Variants in SNX29 observed in about 807,000 individuals in gnomAD.
The protein encoded by SNX29 is sorting nexin-29.
A neutral mutation model predicts 102.1 loss-of-function variants in SNX29; 78 were observed. The ratio of observed to expected loss-of-function variants is 0.76; its 90% CI spans 0.64 to 0.92. The LOEUF (loss-of-function observed/expected upper bound fraction) is 0.92, where lower values mean the gene tolerates loss of function less well. SNX29 is among the 40% of genes least tolerant of loss of function. The pLI is 0.00. For synonymous variants in SNX29, 580 were observed against 414.5 expected (o/e 1.40, Z -4.85); for missense variants, 1,280 against 1,061.7 (o/e 1.21, Z -2.86).
intron 20 of SNX29, among the ~76,000 whole-genome samples, chr16:12,541,628 C>G (rs868721882): frequency 2.0e-5 from 3 of 152,190 alleles, no homozygotes; most frequent in African/African-American, 4.8e-5. Flanking sequence ...CTGTCGGGGT[C>G]CATCGCATCT....
rs13330259 is a variant in SNX29, at chr16:12,559,994, C to T, written c.2319-8512C>T. On this transcript the variant is annotated intron_variant, in intron 20 of 20. Coordinates refer to ENST00000566228, the MANE Select transcript of SNX29 (RefSeq NM_032167.5). ...ACTCCACCACGAAAAAAAGATTTTG[C>T]AAGCAACTTCACTTACATTTTGGAA... 4.8e-3 allele frequency among the ~76,000 whole-genome samples: 731 copies of T among 152,280 alleles called. 4 individuals are homozygous for T. Among genetic ancestry groups the T allele is most frequent in the African/African-American group, 0.017 (712 of 41,548 alleles).
chr16:12,086,286 G>T (rs537122861), intron 11 of SNX29, among the ~76,000 whole-genome samples: 1 of 152,268 alleles, frequency 6.6e-6, no homozygotes, highest in African/African-American at 2.4e-5. Context: ...TTACAGGCGT[G>T]AGCCACCGCG....
At chr16:12,567,928 T>G (rs772418647) in intron 20 of SNX29, among the ~76,000 whole-genome samples, 4 of 152,174 alleles carry the variant, frequency 2.6e-5, no homozygotes, top group Admixed American at 1.3e-4. Context: ...ACGCTGTGTG[T>G]TCGCGTTGCT....
intron 14 of SNX29, among the ~76,000 whole-genome samples, chr16:12,206,724 T>C (rs2077052792): frequency 6.6e-6 from 1 of 151,982 alleles, no homozygotes; most frequent in Non-Finnish European, 1.5e-5. Flanking sequence ...GTTCCTAGTA[T>C]TGGCTTTTAA....
intron 18 of SNX29, among the ~76,000 whole-genome samples, chr16:12,476,193 G>T (rs1597518958): frequency 6.7e-6 from 1 of 149,096 alleles, no homozygotes. Context: ...GTGGTGGTGG[G>T]CATCTGTAAT....
chr16:12,460,698 C>G (rs955210451), intron 18 of SNX29, among the ~76,000 whole-genome samples: 3 of 147,592 alleles, frequency 2.0e-5, no homozygotes, highest in Non-Finnish European at 4.5e-5. Flanking sequence ...AGCTCTGTTG[C>G]CTAGGCTGGA....
intron 20 of SNX29, among the ~76,000 whole-genome samples, chr16:12,550,097 C>T (rs1451931238): frequency 6.6e-6 from 1 of 151,856 alleles, no homozygotes; most frequent in Non-Finnish European, 1.5e-5. Context: ...AACCTATGGG[C>T]TAGAATACTG....
chr16:12,301,306 C>T (rs1037830767), intron 15 of SNX29, among the ~76,000 whole-genome samples: 10 of 152,240 alleles, frequency 6.6e-5, no homozygotes, highest in African/African-American at 1.9e-4. Flanking sequence ...CACGCTCTGG[C>T]GTGTGCCCAC....
At chr16:12,222,681 G>A (rs2077508780) in intron 14 of SNX29, among the ~76,000 whole-genome samples, 1 of 152,154 alleles carries the variant, frequency 6.6e-6, no homozygotes. Context: ...CAATTCTTCT[G>A]CCTCAGCCTC....
chr16:12,312,739 A>C (rs541671876), intron 15 of SNX29, among the ~76,000 whole-genome samples: 1 of 152,204 alleles, frequency 6.6e-6, no homozygotes, highest in African/African-American at 2.4e-5. Context: ...TTATAGGCCA[A>C]ATAACTTCCA....
In SNX29 at chr16:12,560,834, C is replaced by T. The variant is rs79323125; in HGVS notation, c.2319-7672C>T. On this transcript the variant is annotated intron_variant, in intron 20 of 20. Coordinates refer to ENST00000566228, the MANE Select transcript of SNX29 (RefSeq NM_032167.5). Reference sequence around the variant, plus strand: ...AATTACAGCACCCATTTCACATGGCCGGCTTAAGGATGTTATGAGAATTGG... The same window carrying T: ...AATTACAGCACCCATTTCACATGGCTGGCTTAAGGATGTTATGAGAATTGG... 372 of 180,936 alleles carry T rather than the reference C, an allele frequency of 2.1e-3. 1 individual carries two copies. Among genetic ancestry groups the T allele is most frequent in the African/African-American group, 7.7e-3 (328 of 42,468 alleles). The allele number at this position is 180,936 out of a possible 1,614,324, so 11.2% of individuals were successfully genotyped here.
At chr16:12,564,325 A>ACAT (rs2078898498) in intron 20 of SNX29, among the ~76,000 whole-genome samples, 1 of 152,194 alleles carries the variant, frequency 6.6e-6, no homozygotes, top group African/African-American at 2.4e-5. Flanking sequence ...AGTGTCTCTT[A>ACAT]CCTTATTTCA....
At chr16:12,115,605 C>T (rs1302346365) in intron 11 of SNX29, among the ~76,000 whole-genome samples, 1 of 151,800 alleles carries the variant, frequency 6.6e-6, no homozygotes, top group Non-Finnish European at 1.5e-5. Context: ...AATATCTTTG[C>T]AGAATGTGCC....
At chr16:12,182,997 C>T (rs1446401885) in intron 13 of SNX29, among the ~76,000 whole-genome samples, 2 of 147,936 alleles carry the variant, frequency 1.4e-5, no homozygotes, top group African/African-American at 2.5e-5. Flanking sequence ...ATTTATTCAT[C>T]ACTCTTTTTT....
chr16:12,104,578 A>C (rs114269519), intron 11 of SNX29, among the ~76,000 whole-genome samples: 2,279 of 151,920 alleles, frequency 0.015, 49 homozygotes, highest in African/African-American at 0.044. Flanking sequence ...AAATAAACAA[A>C]AAAAAAAAAC....
At chr16:12,513,696 G>C (rs541889170) in intron 19 of SNX29, among the ~76,000 whole-genome samples, 1 of 152,290 alleles carries the variant, frequency 6.6e-6, no homozygotes, top group African/African-American at 2.4e-5. Flanking sequence ...ATAAAGATTA[G>C]AACAGTTTTC....
intron 20 of SNX29, among the ~76,000 whole-genome samples, chr16:12,566,654 A>T (rs915078895): frequency 6.6e-6 from 1 of 152,008 alleles, no homozygotes; most frequent in African/African-American, 2.4e-5. Context: ...TCTTTGAACC[A>T]TCCTCTAAGG....
chr16:12,477,790 C>G lies in SNX29; in HGVS notation c.2109C>G (p.His703Gln). ...ATACAGAGTTCAGGAGTTTGCACCA[C>G]AAGTTACAAAACAAGTACCCTCAAG... ...RRYTEFRSLHHKLQNKYPQVR... is the reference protein window; with the variant it reads ...RRYTEFRSLHQKLQNKYPQVR... The change falls in exon 19 of 21, where the codon CAC becomes CAG. Residue 703 changes from histidine to glutamine, a missense_variant. Physicochemically the swap from His to Gln is conservative, Grantham distance 24. Coordinates refer to ENST00000566228, the MANE Select transcript of SNX29 (RefSeq NM_032167.5). 2 of 1,613,338 alleles carry G rather than the reference C, an allele frequency of 1.2e-6. No homozygotes were observed. The highest frequency in any genetic ancestry group is 1.7e-6 in the Non-Finnish European group (2 of 1,179,714).
chr16:12,118,389 C>T (rs941128081), intron 11 of SNX29, among the ~76,000 whole-genome samples: 4 of 133,992 alleles, frequency 3.0e-5, no homozygotes, highest in Non-Finnish European at 4.6e-5. Context: ...GGCACCATGT[C>T]GGCTCACTGC....
Sources: gnomAD v4.1 joint callset for allele counts (sites outside exome capture counted in the v4.1 genomes callset) on GRCh38, gnomAD v4.1.1 for gene constraint, MANE v1.5 for transcripts, NCBI Gene and HGNC (gene_info 2026-07-23, HGNC 2026-07-21) for gene names.